The following INPP5D variants were observed in gnomAD, a reference collection of about 807,000 sequenced individuals.
The protein encoded by INPP5D is inositol polyphosphate-5-phosphatase D.
In INPP5D, 33 loss-of-function variants were observed where a neutral mutation model predicts 122.9. The observed-to-expected ratio is 0.27, with a 90% CI of 0.20 to 0.36. The LOEUF (loss-of-function observed/expected upper bound fraction) is 0.36, where lower values mean the gene tolerates loss of function less well. Among genes scored for constraint, INPP5D ranks in the 10% least tolerant of loss-of-function variants. The pLI, the probability that INPP5D is intolerant of heterozygous loss-of-function variation, is 1.00. For synonymous variants in INPP5D, 584 were observed against 576.2 expected (o/e 1.01, Z -0.19); for missense variants, 1,053 against 1,412.7 (o/e 0.75, Z 4.08).
intron 20 of INPP5D, among the ~76,000 whole-genome samples, chr2:233,184,967 C>CG (rs1041832519): frequency 2.0e-5 from 3 of 152,002 alleles, no homozygotes; most frequent in African/African-American, 7.2e-5. Flanking sequence ...GCGTCTTTCT[C>CG]GGGGGGACTG....
chr2:233,073,634 C>G (rs1000203869), intron 1 of INPP5D, among the ~76,000 whole-genome samples: 5 of 90,216 alleles, frequency 5.5e-5, no homozygotes, highest in Non-Finnish European at 9.8e-5. Flanking sequence ...GAGCGAAACT[C>G]AATCTCAAAA....
chr2:233,202,337 G>T (rs920231351), intron 25 of INPP5D, among the ~76,000 whole-genome samples: 2 of 152,128 alleles, frequency 1.3e-5, no homozygotes, highest in Admixed American at 6.5e-5. Flanking sequence ...GAACATGGAG[G>T]GGGCCCTTTC....
Position 233,128,898 on chromosome 2 carries a change from C to T in INPP5D, c.525-1610C>T, listed in dbSNP as rs181864830. Reference sequence around the variant, plus strand: ...AAGCCTGGAATAAAAATCTTTAAGGCGGCTGGGCAGGGTGGTTCACACCTG... The same window carrying T: ...AAGCCTGGAATAAAAATCTTTAAGGTGGCTGGGCAGGGTGGTTCACACCTG... On this transcript the variant is annotated intron_variant, in intron 4 of 26. Coordinates refer to ENST00000445964, the MANE Select transcript of INPP5D (RefSeq NM_001017915.3). This position sits in a 1 kb window ranked among gnomAD's most constrained non-coding sequence, Gnocchi z 4.5. Among the ~76,000 whole-genome samples the T allele has an allele frequency of 2.6e-5, 4 of 152,210 alleles. No homozygotes were observed. The highest frequency in any genetic ancestry group is 2.1e-4 in the South Asian group (1 of 4,822).
At chr2:233,111,429 T>C (rs1692625905) in intron 2 of INPP5D, among the ~76,000 whole-genome samples, 1 of 152,228 alleles carries the variant, frequency 6.6e-6, no homozygotes. Context: ...ATGTGTTACA[T>C]GTAATTGTCA....
At chr2:233,190,584 T>C (rs570399110) in intron 22 of INPP5D, among the ~76,000 whole-genome samples, 2 of 152,266 alleles carry the variant, frequency 1.3e-5, no homozygotes, top group Admixed American at 6.5e-5. Flanking sequence ...GGCTCTCTGG[T>C]CTTCTGCTCA....
chr2:233,130,921 T>C (rs370609721), intron 5 of INPP5D: 42 of 598,338 alleles, frequency 7.0e-5, no homozygotes, highest in African/African-American at 5.1e-4. Context: ...TGGGAGGACA[T>C]GGCCAGCCCT....
chr2:233,206,737 G>C lies in INPP5D; in HGVS notation c.*29G>C, dbSNP rs773414591. On this transcript the variant is annotated 3_prime_UTR_variant, in exon 27 of 27. Coordinates refer to ENST00000445964, the MANE Select transcript of INPP5D (RefSeq NM_001017915.3). This position sits in a 1 kb window ranked among gnomAD's most constrained non-coding sequence, Gnocchi z 4.0. ...CCTCAGTGAGCTGCCACTGAGTCGG[G>C]AGCCCAGAGGAACGGCGTGAAGCCA... 1 of 765,810 alleles carries C rather than the reference G, an allele frequency of 1.3e-6. No individual in the cohort carries two copies. The highest frequency in any genetic ancestry group is 2.4e-6 in the Non-Finnish European group (1 of 411,084). The allele number at this position is 765,810 out of a possible 1,614,324, so 47.4% of individuals were successfully genotyped here. A position where few individuals can be genotyped will look rare whatever the true frequency, so the allele number is the denominator to read the frequency against.
chr2:233,063,869 G>T (rs771433506), intron 1 of INPP5D, among the ~76,000 whole-genome samples: 25 of 152,242 alleles, frequency 1.6e-4, no homozygotes, highest in Non-Finnish European at 2.9e-4. Flanking sequence ...GCCCTGCTCC[G>T]GGGGGAGTCT....
intron 9 of INPP5D, among the ~76,000 whole-genome samples, chr2:233,148,563 G>A (rs1458515493): frequency 1.3e-5 from 2 of 152,194 alleles, no homozygotes; most frequent in African/African-American, 4.8e-5. Context: ...GGTGTCAGGA[G>A]GCAGGGGGGT....
At chr2:233,089,202 C>T (rs1302996162) in intron 2 of INPP5D, among the ~76,000 whole-genome samples, 1 of 152,118 alleles carries the variant, frequency 6.6e-6, no homozygotes, top group East Asian at 1.9e-4. Context: ...AGCGGGAGGC[C>T]CCACAACTCC....
intron 2 of INPP5D, among the ~76,000 whole-genome samples, chr2:233,117,828 G>A (rs1692847961): frequency 6.6e-6 from 1 of 152,204 alleles, no homozygotes; most frequent in South Asian, 2.1e-4. Flanking sequence ...ATGTGAGTGA[G>A]GGCAGCTCCC....
intron 17 of INPP5D, among the ~76,000 whole-genome samples, chr2:233,173,551 T>G (rs79316755): frequency 0.061 from 9,255 of 152,206 alleles, 358 homozygotes; most frequent in East Asian, 0.18. Context: ...TACAGAAATA[T>G]TTTATTTCTT....
rs1695511506 is a variant in INPP5D, at chr2:233,206,589, C to T, written c.3568-117C>T. 1.5e-6 allele frequency: 1 copy of T among 670,024 alleles called. No homozygotes were observed. The highest frequency in any genetic ancestry group is 1.8e-5 in the African/African-American group (1 of 55,314). 41.5% of individuals were successfully genotyped at this position (670,024 alleles called of 1,614,324 possible). ...TAGAGCAGTGAGTGCTGGCTCTTCT[C>T]AGCTACACGTTAAAGGAAGCCTGGC... On this transcript the variant is annotated intron_variant, in intron 26 of 26. Transcript: ENST00000445964. The surrounding 1 kb of genome is among the most constrained non-coding windows in gnomAD (Gnocchi z 4.0).
At chr2:233,094,821 G>A (rs78080559) in intron 2 of INPP5D, among the ~76,000 whole-genome samples, 97 of 152,266 alleles carry the variant, frequency 6.4e-4, no homozygotes, top group African/African-American at 2.2e-3. Context: ...CACTCACCAC[G>A]GGAGGGAGTG....
At chr2:233,198,741 G>A (rs113254134) in intron 25 of INPP5D, among the ~76,000 whole-genome samples, 8 of 137,022 alleles carry the variant, frequency 5.8e-5, no homozygotes, top group South Asian at 4.7e-4. Context: ...ACCTGAGATC[G>A]GGAGTTCGAG....
chr2:233,064,068 G>A (rs1288671263), intron 1 of INPP5D, among the ~76,000 whole-genome samples: 1 of 152,268 alleles, frequency 6.6e-6, no homozygotes, highest in Non-Finnish European at 1.5e-5. Flanking sequence ...GCATCCCCTT[G>A]TGCAATCTGC....
chr2:233,169,581 C>G, intron 14 of INPP5D, 180 bp downstream of exon 14: 1 of 928,948 alleles, frequency 1.1e-6, no homozygotes, highest in Non-Finnish European at 1.6e-6. Context: ...AGTGACCTCA[C>G]GTGTGGAGGA....
rs190170046 is a variant in INPP5D, at chr2:233,113,946, G to A, written c.199-8161G>A. Among the ~76,000 whole-genome samples, 366 of 130,954 alleles carry A rather than the reference G, an allele frequency of 2.8e-3. 2 individuals are homozygous for A. The highest frequency in any genetic ancestry group is 1.9e-3 in the Non-Finnish European group (123 of 65,586). The allele number at this position is 130,954 out of a possible 152,430, so 85.9% of individuals were successfully genotyped here. On this transcript the variant is annotated intron_variant, in intron 2 of 26. Coordinates refer to ENST00000445964, the MANE Select transcript of INPP5D (RefSeq NM_001017915.3). ...TTTTGAGACGGAGTCTCGCTCTGTCGCCCAGGCTGGATGGAGTGCAGTGGC... is the reference window on the plus strand; with the variant it reads ...TTTTGAGACGGAGTCTCGCTCTGTCACCCAGGCTGGATGGAGTGCAGTGGC...
intron 5 of INPP5D, among the ~76,000 whole-genome samples, chr2:233,134,616 G>A (rs60306113): frequency 0.028 from 4,198 of 152,268 alleles, 132 homozygotes; most frequent in East Asian, 0.18. Flanking sequence ...GCAACCCCAG[G>A]TTAGGCTCCC....
Sources: allele counts gnomAD v4.1 joint callset (sites outside exome capture counted in the v4.1 genomes callset), GRCh38; gene constraint gnomAD v4.1.1; non-coding constraint Gnocchi (gnomAD v3.1); transcripts MANE v1.5; gene names NCBI Gene and HGNC (gene_info 2026-07-23, HGNC 2026-07-21).